Variants in EFNA5 observed in about 807,000 individuals in gnomAD.
EFNA5 encodes ephrin-A5.
EFNA5 carries 5 observed loss-of-function variants against 22.9 expected under a neutral mutation model. That is an observed-to-expected ratio of 0.22 (90% confidence interval 0.11 to 0.46). EFNA5 has a LOEUF of 0.46. Among genes scored for constraint, EFNA5 ranks in the 20% least tolerant of loss-of-function variants. The pLI is 0.99. For missense variants in EFNA5, 237 were observed against 293.3 expected, an observed-to-expected ratio of 0.81 and a Z score of 1.40; for synonymous variants, 113 against 112.2, an observed-to-expected ratio of 1.01 and a Z score of -0.04.
chr5:107,525,283 T>C (rs914652333), intron 1 of EFNA5, among the ~76,000 whole-genome samples: 2 of 152,120 alleles, frequency 1.3e-5, no homozygotes, highest in African/African-American at 4.8e-5. Flanking sequence ...TATATAGATA[T>C]GTGTGTGTGT....
intron 1 of EFNA5, among the ~76,000 whole-genome samples, chr5:107,551,769 A>C (rs1160683687): frequency 2.6e-5 from 4 of 152,224 alleles, no homozygotes; most frequent in Non-Finnish European, 2.9e-5. Context: ...TCCTATCAGA[A>C]GAAAGGATGT....
intron 2 of EFNA5, among the ~76,000 whole-genome samples, chr5:107,424,583 T>C (rs1010839707): frequency 1.3e-5 from 2 of 152,086 alleles, no homozygotes; most frequent in African/African-American, 4.8e-5. Context: ...GGTACTGCTG[T>C]CCTAGCAAGA....
At chr5:107,577,162 C>G (rs1353355693) in intron 1 of EFNA5, among the ~76,000 whole-genome samples, 1 of 152,098 alleles carries the variant, frequency 6.6e-6, no homozygotes, top group African/African-American at 2.4e-5. Context: ...AACATAATTG[C>G]CAACACAAAT....
intron 1 of EFNA5, among the ~76,000 whole-genome samples, chr5:107,619,161 G>A (rs1001907402): frequency 6.6e-6 from 1 of 151,772 alleles, no homozygotes; most frequent in African/African-American, 2.4e-5. Context: ...TCCTGACCTC[G>A]TGATCCACCC....
intron 1 of EFNA5, among the ~76,000 whole-genome samples, chr5:107,482,864 C>CTA (rs1750520222): frequency 6.2e-5 from 3 of 48,266 alleles, no homozygotes; most frequent in Admixed American, 1.9e-4. Context: ...CTCTCTCTCT[C>CTA]TCTCTCTATA....
chr5:107,428,323 G>C (rs1173230108), intron 1 of EFNA5, among the ~76,000 whole-genome samples: 2 of 152,094 alleles, frequency 1.3e-5, no homozygotes, highest in Non-Finnish European at 2.9e-5. Flanking sequence ...TCTAGAGCTG[G>C]GCTGGTGAGT....
At chr5:107,484,163 C>T (rs565280301) in intron 1 of EFNA5, among the ~76,000 whole-genome samples, 62 of 152,242 alleles carry the variant, frequency 4.1e-4, no homozygotes, top group African/African-American at 1.5e-3. Context: ...AACACAGCTG[C>T]GACTCTGCAA....
chr5:107,599,967 C>T (rs1749560152), intron 1 of EFNA5, among the ~76,000 whole-genome samples: 1 of 152,246 alleles, frequency 6.6e-6, no homozygotes, highest in African/African-American at 2.4e-5. Context: ...TCCTCAATCT[C>T]ATGAATACCT....
chr5:107,571,163 T>C (rs1748795308), intron 1 of EFNA5, among the ~76,000 whole-genome samples: 1 of 152,144 alleles, frequency 6.6e-6, no homozygotes, highest in Non-Finnish European at 1.5e-5. Context: ...CTTAGGGGCC[T>C]ACAGAAAAAG....
At chr5:107,657,386 T>C (rs1331079461) in intron 1 of EFNA5, among the ~76,000 whole-genome samples, 1 of 152,112 alleles carries the variant, frequency 6.6e-6, no homozygotes, top group Non-Finnish European at 1.5e-5. Context: ...ATGAGAATCA[T>C]AAAACTGGAA....
intron 2 of EFNA5, among the ~76,000 whole-genome samples, chr5:107,407,048 A>G (rs948884461): frequency 1.3e-4 from 20 of 152,226 alleles, no homozygotes; most frequent in Non-Finnish European, 1.6e-4. Flanking sequence ...AACATATACT[A>G]GGTTTTTCTT....
rs549860257 is a variant in EFNA5, at chr5:107,477,284, G to A, written c.126-49775C>T. On this transcript the variant is annotated intron_variant, in intron 1 of 4. Coordinates refer to ENST00000333274, the MANE Select transcript of EFNA5 (RefSeq NM_001962.3). ...TATAGATATTTATGTACCTATGTAAGACTTTCTCTTCCACTAAAACAGATG... is the reference window on the plus strand; with the variant it reads ...TATAGATATTTATGTACCTATGTAAAACTTTCTCTTCCACTAAAACAGATG... Among the ~76,000 whole-genome samples the A allele has an allele frequency of 2.0e-3, 305 of 152,254 alleles. 2 individuals carry two copies. The highest frequency in any genetic ancestry group is 6.8e-3 in the Middle Eastern group (2 of 294).
intron 2 of EFNA5, among the ~76,000 whole-genome samples, chr5:107,397,179 G>A (rs781551347): frequency 6.6e-6 from 1 of 152,160 alleles, no homozygotes. Context: ...CCTGAGCCCA[G>A]GACTGAGGCT....
At chr5:107,506,011 C>G (rs148448953) in intron 1 of EFNA5, 235 of 152,302 alleles carry the variant, frequency 1.5e-3, no homozygotes, top group African/African-American at 5.6e-3. Flanking sequence ...CACATTCAAC[C>G]ACTATGCTAT....
At chr5:107,404,566 G>A (rs1748161397) in intron 2 of EFNA5, among the ~76,000 whole-genome samples, 1 of 152,136 alleles carries the variant, frequency 6.6e-6, no homozygotes, top group African/African-American at 2.4e-5. Context: ...TTTCTTCGAG[G>A]CAGGTATTAT....
At chr5:107,539,994 T>C (rs1748012901) in intron 1 of EFNA5, among the ~76,000 whole-genome samples, 1 of 152,196 alleles carries the variant, frequency 6.6e-6, no homozygotes, top group African/African-American at 2.4e-5. Context: ...GTGCAACATC[T>C]GCCTTTCACA....
At chr5:107,388,939 A>T (rs924355165) in intron 2 of EFNA5, among the ~76,000 whole-genome samples, 2 of 152,188 alleles carry the variant, frequency 1.3e-5, no homozygotes, top group Non-Finnish European at 2.9e-5. Flanking sequence ...GAGAGGATTC[A>T]ATATACAAAC....
At chr5:107,387,667 G>A (rs761420086) in intron 3 of EFNA5, 39 bp downstream of exon 3, 43 of 1,499,160 alleles carry the variant, frequency 2.9e-5, no homozygotes, top group East Asian at 1.6e-4. Flanking sequence ...AAGCATGCGC[G>A]GTGAAGCCAC....
chr5:107,472,694 A>G (rs539726954), intron 1 of EFNA5, among the ~76,000 whole-genome samples: 2 of 152,328 alleles, frequency 1.3e-5, no homozygotes, highest in South Asian at 4.1e-4. Flanking sequence ...ACCTGTCTCA[A>G]TCAAGTTAAT....
Sources: gnomAD v4.1 joint callset for allele counts (sites outside exome capture counted in the v4.1 genomes callset) on GRCh38, gnomAD v4.1.1 for gene constraint, MANE v1.5 for transcripts, NCBI Gene and HGNC (gene_info 2026-07-23, HGNC 2026-07-21) for gene names.